LRP1B: variants seen among roughly 807,000 people sequenced by gnomAD.
The protein encoded by LRP1B is LDL receptor related protein 1B, also known as low-density lipoprotein receptor-related protein 1B.
A neutral mutation model predicts 556.6 loss-of-function variants in LRP1B; 217 were observed. That is an observed-to-expected ratio of 0.39 (90% CI 0.35 to 0.44). The LOEUF (loss-of-function observed/expected upper bound fraction) is 0.44. Among genes scored for constraint, LRP1B ranks in the 20% least tolerant of loss-of-function variants. The pLI is 1.00. For synonymous variants in LRP1B, 2,047 were observed against 1,865.8 expected, an observed-to-expected ratio of 1.10 and a Z score of -2.50; for missense variants, 5,053 against 5,620.8, an observed-to-expected ratio of 0.90 and a Z score of 3.23.
chr2:141,960,761 C>A (rs1455448735), intron 1 of LRP1B, among the ~76,000 whole-genome samples: 1 of 151,770 alleles, frequency 6.6e-6, no homozygotes, highest in Non-Finnish European at 1.5e-5. Flanking sequence ...CAAAGATTAT[C>A]TTTCTATACA....
chr2:142,077,842 G>A (rs1705562834), intron 1 of LRP1B, among the ~76,000 whole-genome samples: 1 of 152,056 alleles, frequency 6.6e-6, no homozygotes, highest in South Asian at 2.1e-4. Context: ...ATAGATTCTA[G>A]AAAAAGTGAA....
In LRP1B at chr2:141,763,679, A is replaced by G. The variant is rs554766660; in HGVS notation, c.205+46600T>C. ...GAAAAATAGTGTTTTTATAATTTTG[A>G]GCAACCAATTTCAGAATATATCTTA... On this transcript the variant is annotated intron_variant, in intron 2 of 90. Coordinates refer to ENST00000389484, the MANE Select transcript of LRP1B (RefSeq NM_018557.3). 8.5e-5 allele frequency among the ~76,000 whole-genome samples: 13 copies of G among 152,268 alleles called. No homozygotes were observed. The South Asian group carries it at 2.5e-3, about 29-fold the overall frequency.
At chr2:141,869,827 G>A (rs1488607736) in intron 1 of LRP1B, among the ~76,000 whole-genome samples, 1 of 152,046 alleles carries the variant, frequency 6.6e-6, no homozygotes, top group Non-Finnish European at 1.5e-5. Context: ...AATTCCCAAA[G>A]TATATTAGCT....
chr2:141,233,168 G>A (rs1683533539), intron 5 of LRP1B, among the ~76,000 whole-genome samples: 1 of 152,124 alleles, frequency 6.6e-6, no homozygotes, highest in African/African-American at 2.4e-5. Flanking sequence ...CAGTCAAAGG[G>A]ATACCTGTGT....
intron 82 of LRP1B, among the ~76,000 whole-genome samples, chr2:140,319,957 T>C (rs1375904704): frequency 2.0e-5 from 3 of 152,118 alleles, no homozygotes; most frequent in Non-Finnish European, 4.4e-5. Context: ...TTTCCAACCT[T>C]ATTACCCAAA....
At chr2:140,941,833 G>C (rs1438756276) in intron 20 of LRP1B, among the ~76,000 whole-genome samples, 1 of 152,088 alleles carries the variant, frequency 6.6e-6, no homozygotes. Flanking sequence ...AGAAGCACCA[G>C]CTCCATCAGA....
At chr2:141,026,318 G>T (rs1166919649) in intron 11 of LRP1B, among the ~76,000 whole-genome samples, 1 of 151,878 alleles carries the variant, frequency 6.6e-6, no homozygotes, top group Admixed American at 6.6e-5. Context: ...TTTCTAATAG[G>T]TTTCATGTTT....
chr2:140,942,245 A>G (rs937367555), intron 20 of LRP1B, among the ~76,000 whole-genome samples: 12 of 152,186 alleles, frequency 7.9e-5, no homozygotes, highest in Admixed American at 4.6e-4. Context: ...AAAATAAAGA[A>G]AAATAATTAA....
chr2:141,788,034 G>A (rs928167776), intron 2 of LRP1B, among the ~76,000 whole-genome samples: 8 of 151,964 alleles, frequency 5.3e-5, no homozygotes, highest in South Asian at 2.1e-4. Flanking sequence ...TATTTGGTTA[G>A]TTTTTCATAA....
At chr2:142,052,855 G>T (rs888947941) in intron 1 of LRP1B, among the ~76,000 whole-genome samples, 5 of 152,140 alleles carry the variant, frequency 3.3e-5, no homozygotes, top group African/African-American at 1.2e-4. Flanking sequence ...GAGGAAAAAG[G>T]TAAGAACTCC....
intron 3 of LRP1B, among the ~76,000 whole-genome samples, chr2:141,348,437 G>T (rs1001192183): frequency 1.3e-5 from 2 of 151,452 alleles, no homozygotes; most frequent in Non-Finnish European, 2.9e-5. Context: ...ATAATATAAT[G>T]GTCAAATATT....
At chr2:140,596,636 T>A (rs887907465) in intron 43 of LRP1B, among the ~76,000 whole-genome samples, 13 of 152,180 alleles carry the variant, frequency 8.5e-5, no homozygotes, top group African/African-American at 2.7e-4. Flanking sequence ...TTGCAAGGCA[T>A]GAGGAAGTGG....
At chr2:140,834,959 C>T (rs892127895) in intron 31 of LRP1B, among the ~76,000 whole-genome samples, 6 of 151,856 alleles carry the variant, frequency 4.0e-5, no homozygotes, top group Admixed American at 1.3e-4. Context: ...CTGGGAGCAA[C>T]GTATATTAAT....
At chr2:140,597,795 G>T (rs1023183931) in intron 43 of LRP1B, among the ~76,000 whole-genome samples, 1 of 152,136 alleles carries the variant, frequency 6.6e-6, no homozygotes, top group Non-Finnish European at 1.5e-5. Context: ...AAACACTGTA[G>T]TTGTGATAGA....
At chr2:140,808,148 C>T (rs1011970372) in intron 32 of LRP1B, among the ~76,000 whole-genome samples, 7 of 152,002 alleles carry the variant, frequency 4.6e-5, no homozygotes, top group Non-Finnish European at 1.0e-4. Context: ...ATGTTCAGAG[C>T]TATAGGTTGG....
At chr2:141,725,736 AG>A (rs1693004702) in intron 2 of LRP1B, among the ~76,000 whole-genome samples, 1 of 151,844 alleles carries the variant, frequency 6.6e-6, no homozygotes. Context: ...TGAAGAATTT[AG>A]TCTACGGGCT....
At chr2:140,702,079 G>A (rs1426684861) in intron 39 of LRP1B, 62 bp downstream of exon 39, 9 of 1,563,270 alleles carry the variant, frequency 5.8e-6, no homozygotes, top group South Asian at 1.2e-5. Flanking sequence ...TCCTACAAGG[G>A]TAAAGCAACT....
At position 140,700,597 on chromosome 2, in the gene LRP1B, T is replaced by C. The variant is rs376156015; in HGVS notation, c.6452A>G (p.Asn2151Ser). 4.3e-6 allele frequency: 7 copies of C among 1,613,508 alleles called. No homozygotes were observed. Among genetic ancestry groups the C allele is most frequent in the Admixed American group, 3.3e-5 (2 of 59,946 alleles). Residue 2151 changes from asparagine (N) to serine (S), a missense_variant, in exon 41 of 91, where the codon AAT (asparagine) becomes AGT (serine). Asn to Ser is a conservative substitution (Grantham distance 46). Around this residue, in one of 5 missense-constraint regions of LRP1B, gnomAD observed 3,619 missense variants for 3,931.9 expected, o/e 0.92. Transcript: ENST00000389484. Reference protein sequence around the residue: ...EKGTNVCARDNGGCKQLCLYR... With the variant: ...EKGTNVCARDSGGCKQLCLYR... ...AAGACAGAGTTGCTTACAGCCACCA[T>C]TGTCCCTGGCACAAACATTGGTCCC...
At chr2:141,916,398 T>C (rs1432414114) in intron 1 of LRP1B, among the ~76,000 whole-genome samples, 1 of 139,476 alleles carries the variant, frequency 7.2e-6, no homozygotes, top group African/African-American at 2.7e-5. Context: ...GGAGTCTCGC[T>C]CTGTCCCCCA....
Sources: gnomAD v4.1 joint callset for allele counts (sites outside exome capture counted in the v4.1 genomes callset) on GRCh38, gnomAD v4.1.1 for gene constraint, gnomAD v4.1.1 regional missense constraint, MANE v1.5 for transcripts, NCBI Gene and HGNC (gene_info 2026-07-23, HGNC 2026-07-21) for gene names.